SLIT1: variants seen among roughly 807,000 people sequenced by gnomAD.
SLIT1 encodes slit homolog 1 protein.
In SLIT1, 66 loss-of-function variants were observed where a neutral mutation model predicts 186.1. That is an observed-to-expected ratio of 0.35 (90% CI 0.29 to 0.44). The LOEUF (loss-of-function observed/expected upper bound fraction) is 0.44. SLIT1 is among the 20% of genes least tolerant of loss of function. The pLI is 1.00. For synonymous variants in SLIT1, 761 were observed against 833.8 expected (o/e 0.91, Z 1.50); for missense variants, 1,638 against 2,037.4 (o/e 0.80, Z 3.77).
In SLIT1 at chr10:97,014,665, G is replaced by A. The variant is rs183618013; in HGVS notation, c.2970-507C>T. Among the ~76,000 whole-genome samples, 779 of 152,270 alleles carry A rather than the reference G, an allele frequency of 5.1e-3. 12 individuals carry two copies. The highest frequency in any genetic ancestry group is 0.018 in the African/African-American group (744 of 41,540). On this transcript the variant is annotated intron_variant, in intron 28 of 36. Coordinates refer to ENST00000266058, the MANE Select transcript of SLIT1 (RefSeq NM_003061.3). ...GTGGATCACCTGAGGTCAGGAGTTG[G>A]AGACCAGCCTGGCCAACATGGGGAA...
intron 26 of SLIT1, among the ~76,000 whole-genome samples, chr10:97,019,935 G>A (rs1848488126): frequency 5.9e-5 from 9 of 152,188 alleles, no homozygotes; most frequent in Admixed American, 4.6e-4. Context: ...GACTTCTGGG[G>A]TAGAGATGGG....
chr10:97,027,731 G>T (rs1180747659), intron 25 of SLIT1, among the ~76,000 whole-genome samples: 1 of 152,026 alleles, frequency 6.6e-6, no homozygotes, highest in East Asian at 1.9e-4. Context: ...TGCAGCTTTG[G>T]TTTTTTTGGT....
At chr10:97,002,598 T>G in intron 35 of SLIT1, 106 bp downstream of exon 35, 1 of 1,124,296 alleles carries the variant, frequency 8.9e-7, no homozygotes, top group South Asian at 1.6e-5. Flanking sequence ...AAACCCTGGC[T>G]TAGGCTACAT....
intron 4 of SLIT1, among the ~76,000 whole-genome samples, chr10:97,127,808 G>A (rs1240096288): frequency 2.6e-5 from 4 of 152,172 alleles, no homozygotes; most frequent in African/African-American, 4.8e-5. Flanking sequence ...TATGACTCCA[G>A]GGAACTCCTG....
At chr10:97,036,593 A>G (rs1268089927) in intron 22 of SLIT1, among the ~76,000 whole-genome samples, 1 of 152,212 alleles carries the variant, frequency 6.6e-6, no homozygotes, top group Admixed American at 6.5e-5. Flanking sequence ...AAAGGAAGCA[A>G]TACATTGATT....
chr10:97,152,715 C>T (rs1452058334), intron 4 of SLIT1, among the ~76,000 whole-genome samples: 1 of 152,196 alleles, frequency 6.6e-6, no homozygotes, highest in Non-Finnish European at 1.5e-5. Context: ...TCTTAAAGAA[C>T]ATCTGAGACA....
chr10:97,019,738 A>G (rs1443690082), intron 26 of SLIT1, among the ~76,000 whole-genome samples: 1 of 152,146 alleles, frequency 6.6e-6, no homozygotes. Context: ...AGGAGCCGAC[A>G]GCCAGGCCGC....
chr10:97,071,789 C>T (rs1849003413), intron 4 of SLIT1, among the ~76,000 whole-genome samples: 1 of 152,188 alleles, frequency 6.6e-6, no homozygotes, highest in Non-Finnish European at 1.5e-5. Flanking sequence ...TGGTGTGGCA[C>T]TCAGATGAGG....
chr10:97,106,417 A>G (rs547036464), intron 4 of SLIT1, among the ~76,000 whole-genome samples: 12 of 152,162 alleles, frequency 7.9e-5, no homozygotes, highest in African/African-American at 2.9e-4. Context: ...CGAATGAATG[A>G]ATGAATGAAT....
chr10:97,155,749 CT>C (rs1290934157), intron 4 of SLIT1, among the ~76,000 whole-genome samples: 3 of 152,144 alleles, frequency 2.0e-5, no homozygotes, highest in Non-Finnish European at 4.4e-5. Context: ...AGGGCAAAAG[CT>C]TGAAAGGTTA....
chr10:97,087,327 C>T (rs1164431205), intron 4 of SLIT1, among the ~76,000 whole-genome samples: 1 of 152,212 alleles, frequency 6.6e-6, no homozygotes, highest in Non-Finnish European at 1.5e-5. Context: ...CTGACCATCT[C>T]CTGCAGCCCC....
intron 13 of SLIT1, among the ~76,000 whole-genome samples, chr10:97,054,272 T>G (rs1418837347): frequency 6.6e-6 from 1 of 151,910 alleles, no homozygotes; most frequent in Non-Finnish European, 1.5e-5. Flanking sequence ...CCTCCCTCTC[T>G]TGCTCCTCCT....
Position 97,018,678 on chromosome 10 carries a change from T to A in SLIT1, c.2877A>T (p.Arg959=). Residue 959 remains arginine (R), a synonymous_variant, in exon 28 of 37, where the codon CGA becomes CGT. Transcript: ENST00000266058. ...AGCTGTCCAGGGACACCTCACAGTC[T>A]CGACCCTGGGGGGAAAGTCAGTGAT... ...RCACPSGYKG[R]DCEVSLDSCS... 1 of 1,579,416 alleles carries A rather than the reference T, an allele frequency of 6.3e-7. No homozygotes were observed. The highest frequency in any genetic ancestry group is 8.6e-7 in the Non-Finnish European group (1 of 1,162,292).
At chr10:97,048,897 G>T (rs537270845) in intron 14 of SLIT1, 58 bp downstream of exon 14, 22 of 1,523,648 alleles carry the variant, frequency 1.4e-5, no homozygotes, top group Admixed American at 5.1e-5. Flanking sequence ...GTAGGCCGGT[G>T]GGCAGGTGGG....
rs750145281 is a variant in SLIT1, at chr10:97,157,870, G to T, written c.361C>A (p.Leu121Met). ...AACAGCAGTTCCGGTAACATGTGCAGCTGGTTTCGGTTCAGTCGCCTATAA... is the reference window on the plus strand; with the variant it reads ...AACAGCAGTTCCGGTAACATGTGCATCTGGTTTCGGTTCAGTCGCCTATAA... ...LERLRLNRNQ[L>M]HMLPELLFQN... The change falls in exon 4 of 37, where the codon CTG (leucine) becomes ATG (methionine). Residue 121 changes from leucine (L) to methionine (M), a missense_variant. Coordinates refer to ENST00000266058, the MANE Select transcript of SLIT1 (RefSeq NM_003061.3). 1.9e-6 allele frequency: 3 copies of T among 1,613,794 alleles called. No individual in the cohort carries two copies. The highest frequency in any genetic ancestry group is 2.5e-6 in the Non-Finnish European group (3 of 1,179,746).
chr10:97,176,729 C>T (rs574011191), intron 1 of SLIT1, among the ~76,000 whole-genome samples: 1 of 152,346 alleles, frequency 6.6e-6, no homozygotes, highest in South Asian at 2.1e-4. Context: ...ATGCTCTCCA[C>T]ACTGCTAACC....
intron 20 of SLIT1, among the ~76,000 whole-genome samples, chr10:97,041,091 C>T (rs1158382816): frequency 6.6e-6 from 1 of 152,166 alleles, no homozygotes; most frequent in East Asian, 1.9e-4. Context: ...AGAACCTGCT[C>T]GATTGGCCAC....
Position 97,043,517 on chromosome 10 carries a change from G to T in SLIT1, c.1854-4C>A, listed in dbSNP as rs1848708854. 1 of 1,612,534 alleles carries T rather than the reference G, an allele frequency of 6.2e-7. No individual in the cohort carries two copies. The highest frequency in any genetic ancestry group is 8.5e-7 in the Non-Finnish European group (1 of 1,179,512). On this transcript the variant is annotated splice_region_variant and splice_polypyrimidine_tract_variant and intron_variant, in intron 18 of 36. Coordinates refer to ENST00000266058, the MANE Select transcript of SLIT1 (RefSeq NM_003061.3). The surrounding 1 kb of genome is among the most constrained non-coding windows in gnomAD (Gnocchi z 7.0). ...GATGCGGTTGTTCCGCAGCATTCTG[G>T]GGAGGAACGGGGGAGGGAGGAGGGG...
At chr10:97,165,421 C>T (rs1850091324) in intron 1 of SLIT1, among the ~76,000 whole-genome samples, 1 of 152,096 alleles carries the variant, frequency 6.6e-6, no homozygotes, top group Admixed American at 6.5e-5. Flanking sequence ...AAGCAGGAGA[C>T]AGCAGAGAGG....
Sources: gnomAD v4.1 joint callset for allele counts (sites outside exome capture counted in the v4.1 genomes callset) on GRCh38, gnomAD v4.1.1 for gene constraint, Gnocchi (gnomAD v3.1) non-coding constraint, MANE v1.5 for transcripts, NCBI Gene and HGNC (gene_info 2026-07-23, HGNC 2026-07-21) for gene names.